The following BNC2 variants were observed in gnomAD, a reference collection of about 807,000 sequenced individuals.
The protein encoded by BNC2 is zinc finger protein basonuclin-2.
In BNC2, 20 loss-of-function variants were observed where a neutral mutation model predicts 76.3. The observed-to-expected ratio is 0.26, with a 90% CI of 0.18 to 0.38. BNC2 has a LOEUF of 0.38. Ranked by LOEUF, BNC2 falls within the 10% of genes least tolerant of loss-of-function variation. The pLI is 1.00. For missense variants in BNC2, 1,382 were observed against 1,399.8 expected, an observed-to-expected ratio of 0.99 and a Z score of 0.20; for synonymous variants, 582 against 514.8, an observed-to-expected ratio of 1.13 and a Z score of -1.77.
In BNC2 at chr9:16,410,173, A is replaced by T. The variant is rs557354776; in HGVS notation, c.*8816T>A. The T allele has an allele frequency of 6.6e-6, 1 of 152,362 alleles. No individual in the cohort carries two copies. Among genetic ancestry groups the T allele is most frequent in the Non-Finnish European group, 1.5e-5 (1 of 68,038 alleles). 9.4% of individuals were successfully genotyped at this position (152,362 alleles called of 1,614,324 possible). A position where few individuals can be genotyped will look rare whatever the true frequency, so the allele number is the denominator to read the frequency against. On this transcript the variant is annotated 3_prime_UTR_variant, in exon 7 of 7. Transcript: ENST00000380672. Reference sequence around the variant, plus strand: ...TAGTCCATCACCAGCAGGAGAGAACAGAGAACTGGCTTTCCCAGATCCCCA... The same window carrying T: ...TAGTCCATCACCAGCAGGAGAGAACTGAGAACTGGCTTTCCCAGATCCCCA...
At chr9:16,578,195 T>A (rs1347689573) in intron 4 of BNC2, among the ~76,000 whole-genome samples, 1 of 152,168 alleles carries the variant, frequency 6.6e-6, no homozygotes, top group Non-Finnish European at 1.5e-5. Flanking sequence ...TCAAATATCA[T>A]GGGATAAAAA....
At chr9:16,723,345 G>T (rs926723356) in intron 3 of BNC2, among the ~76,000 whole-genome samples, 32 of 152,012 alleles carry the variant, frequency 2.1e-4, no homozygotes, top group African/African-American at 6.5e-4. Context: ...TATGTAAAAA[G>T]GGATGTCTAT....
chr9:16,833,966 C>CA (rs1162494852), intron 1 of BNC2, among the ~76,000 whole-genome samples: 2 of 152,120 alleles, frequency 1.3e-5, no homozygotes, highest in Non-Finnish European at 2.9e-5. Flanking sequence ...CTCAGGCCTT[C>CA]AGTCCTTTTG....
At chr9:16,429,966 G>A in intron 6 of BNC2, 1 of 516,138 alleles carries the variant, frequency 1.9e-6, no homozygotes, top group South Asian at 1.4e-5. Context: ...ATGATACAAG[G>A]AGACCGTTTT....
At chr9:16,866,772 T>A (rs1376084431) in intron 1 of BNC2, among the ~76,000 whole-genome samples, 1 of 152,082 alleles carries the variant, frequency 6.6e-6, no homozygotes, top group Non-Finnish European at 1.5e-5. Context: ...AGAGTGTTTT[T>A]TAAACCTTAA....
rs553949014 is a variant in BNC2 at position 16,839,354 on chromosome 9, C to A, written c.3+31292G>T. Among the ~76,000 whole-genome samples the A allele has an allele frequency of 5.0e-4, 76 of 152,302 alleles. 1 individual carries two copies. The highest frequency in any genetic ancestry group is 1.7e-3 in the African/African-American group (71 of 41,562). On this transcript the variant is annotated intron_variant, in intron 1 of 6. Coordinates refer to ENST00000380672, the MANE Select transcript of BNC2 (RefSeq NM_017637.6). The stretch of plus-strand genomic sequence containing the variant: ...ATGTATCAATACGGTAAAAGTTACA[C>A]GCCATCACCCATTTTGTACCAGTCT...
chr9:16,722,021 C>G (rs1292052510), intron 3 of BNC2, among the ~76,000 whole-genome samples: 1 of 152,164 alleles, frequency 6.6e-6, no homozygotes, highest in African/African-American at 2.4e-5. Context: ...GCTTTGCAGA[C>G]AGATGACGGC....
rs1160752299 is a variant in BNC2 at position 16,419,100 on chromosome 9, G to A, written c.3189C>T (p.His1063=). ...TATTGCAACCTGGGACTTTGCACTT[G>A]TGCATTTCTCTCAAATGCACAGTTT... The part of the protein sequence containing the change: ...HYKTVHLREM[H]KCKVPGCNMM... The change falls in exon 7 of 7, where the codon CAC becomes CAT. Residue 1063 remains histidine (H), a synonymous_variant. Coordinates refer to ENST00000380672, the MANE Select transcript of BNC2 (RefSeq NM_017637.6). 1 of 1,614,098 alleles carries A rather than the reference G, an allele frequency of 6.2e-7. No homozygotes were observed. Among genetic ancestry groups the A allele is most frequent in the Non-Finnish European group, 8.5e-7 (1 of 1,180,056 alleles).
intron 1 of BNC2, among the ~76,000 whole-genome samples, chr9:16,817,613 C>T (rs371300603): frequency 2.0e-5 from 3 of 152,170 alleles, no homozygotes; most frequent in African/African-American, 7.2e-5. Flanking sequence ...ATCTGGCACA[C>T]TGAAGGTGTT....
intron 3 of BNC2, among the ~76,000 whole-genome samples, chr9:16,622,755 A>G (rs1392473101): frequency 6.6e-6 from 1 of 152,140 alleles, no homozygotes; most frequent in Non-Finnish European, 1.5e-5. Flanking sequence ...TATTTTTAGA[A>G]GCCTGTTGCT....
At chr9:16,868,390 T>C (rs958000510) in intron 1 of BNC2, among the ~76,000 whole-genome samples, 1 of 148,136 alleles carries the variant, frequency 6.8e-6, no homozygotes, top group Non-Finnish European at 1.5e-5. Context: ...CTTCTTTTTG[T>C]AATCACATAT....
intron 5 of BNC2, among the ~76,000 whole-genome samples, chr9:16,511,958 A>G (rs1170634627): frequency 6.6e-6 from 1 of 152,194 alleles, no homozygotes; most frequent in East Asian, 1.9e-4. Flanking sequence ...TAAAAATCTC[A>G]TTATGATACT....
intron 5 of BNC2, among the ~76,000 whole-genome samples, chr9:16,463,500 T>C (rs1048989243): frequency 1.4e-5 from 2 of 147,056 alleles, no homozygotes; most frequent in African/African-American, 2.6e-5. Flanking sequence ...GTTTCACCGT[T>C]TTAGCCAGGA....
chr9:16,511,824 G>C (rs969227653), intron 5 of BNC2, among the ~76,000 whole-genome samples: 2 of 152,124 alleles, frequency 1.3e-5, no homozygotes, highest in African/African-American at 4.8e-5. Context: ...TATCATAGAA[G>C]TAATACTATT....
chr9:16,787,510 C>T (rs986718379), intron 1 of BNC2, among the ~76,000 whole-genome samples: 2 of 152,174 alleles, frequency 1.3e-5, no homozygotes, highest in African/African-American at 4.8e-5. Context: ...TCAATTTCCT[C>T]ACTTGTAAGA....
chr9:16,425,594 A>G (rs1391304494), intron 6 of BNC2, among the ~76,000 whole-genome samples: 1 of 152,220 alleles, frequency 6.6e-6, no homozygotes, highest in Non-Finnish European at 1.5e-5. Flanking sequence ...GAAATCACCA[A>G]ATTTGTTTAC....
intron 1 of BNC2, among the ~76,000 whole-genome samples, chr9:16,841,218 C>T (rs527618928): frequency 3.5e-4 from 53 of 152,296 alleles, no homozygotes; most frequent in African/African-American, 1.2e-3. Flanking sequence ...CTTACCCAAA[C>T]TATGTCTTAT....
intron 5 of BNC2, among the ~76,000 whole-genome samples, chr9:16,531,198 T>C (rs545107914): frequency 1.3e-5 from 2 of 152,140 alleles, no homozygotes; most frequent in Non-Finnish European, 1.5e-5. Flanking sequence ...AAAAACAAAC[T>C]AGAAGACCAC....
intron 4 of BNC2, among the ~76,000 whole-genome samples, chr9:16,557,265 G>A (rs1465884937): frequency 6.6e-6 from 1 of 152,106 alleles, no homozygotes; most frequent in Non-Finnish European, 1.5e-5. Context: ...TTGGGAGGTT[G>A]CAGTGGGCGA....
Sources: gnomAD v4.1 joint callset for allele counts (sites outside exome capture counted in the v4.1 genomes callset) on GRCh38, gnomAD v4.1.1 for gene constraint, MANE v1.5 for transcripts, NCBI Gene and HGNC (gene_info 2026-07-23, HGNC 2026-07-21) for gene names.